The following ROBO2 variants were observed in gnomAD, a reference collection of about 807,000 sequenced individuals.
The protein encoded by ROBO2 is roundabout guidance receptor 2.
ROBO2 carries 53 observed loss-of-function variants against 160.8 expected under a neutral mutation model. That is an observed-to-expected ratio of 0.33 (90% CI 0.26 to 0.41). ROBO2 has a LOEUF of 0.41. ROBO2 is among the 10% of genes least tolerant of loss of function. The probability of loss-of-function intolerance (pLI) is 1.00; values close to 1 mark genes in which losing one functional copy is unlikely to be tolerated. For missense variants in ROBO2, 1,577 were observed against 1,722.4 expected (o/e 0.92, Z 1.49); for synonymous variants, 664 against 611.7 (o/e 1.09, Z -1.26).
At chr3:76,870,457 CAT>C (rs1024521646) in intron 2 of ROBO2, among the ~76,000 whole-genome samples, 14 of 152,250 alleles carry the variant, frequency 9.2e-5, no homozygotes, top group Admixed American at 6.5e-4. Context: ...TATTTAAAAA[CAT>C]GTGTTCAGAT....
At chr3:76,090,879 A>T (rs530716008) in intron 2 of ROBO2, among the ~76,000 whole-genome samples, 1 of 152,310 alleles carries the variant, frequency 6.6e-6, no homozygotes, top group South Asian at 2.1e-4. Context: ...TGGTGCGGGA[A>T]CAACTGTACA....
Position 76,746,299 on chromosome 3 carries a change from T to C in ROBO2, c.110-351715T>C, listed in dbSNP as rs574986015. Among the ~76,000 whole-genome samples the C allele has an allele frequency of 8.6e-5, 13 of 151,888 alleles. No individual in the cohort carries two copies. The East Asian group carries it at 2.5e-3, about 30-fold the overall frequency. ...AATAGTGCCGCAATAAACATACGTG[T>C]GCGTGTGTCTTTATAGCAGCATGAT... is the stretch of plus-strand genomic sequence containing the variant. On this transcript the variant is annotated intron_variant, in intron 2 of 26. Coordinates refer to the ROBO2 transcript ENST00000487694.
chr3:77,508,109 G>A (rs1234607511), intron 5 of ROBO2, among the ~76,000 whole-genome samples: 3 of 151,714 alleles, frequency 2.0e-5, no homozygotes, highest in Non-Finnish European at 4.4e-5. Context: ...GAAAGAAGAA[G>A]TACATGATTT....
At chr3:76,201,570 A>G (rs530069009) in intron 2 of ROBO2, among the ~76,000 whole-genome samples, 13 of 152,290 alleles carry the variant, frequency 8.5e-5, no homozygotes, top group South Asian at 2.1e-4. Context: ...AAATGACACT[A>G]TGTTAATTAA....
At chr3:77,360,253 C>A (rs970669344) in intron 2 of ROBO2, among the ~76,000 whole-genome samples, 8 of 63,728 alleles carry the variant, frequency 1.3e-4, no homozygotes, top group Non-Finnish European at 1.9e-4. Flanking sequence ...TGTAATGCAA[C>A]CCCCCCCCCA....
intron 2 of ROBO2, among the ~76,000 whole-genome samples, chr3:76,366,905 T>C (rs1222249412): frequency 6.6e-6 from 1 of 151,944 alleles, no homozygotes; most frequent in Non-Finnish European, 1.5e-5. Context: ...TTCCAAGCAA[T>C]AAAAATTATA....
intron 2 of ROBO2, among the ~76,000 whole-genome samples, chr3:76,585,634 T>G (rs1266900872): frequency 6.6e-6 from 1 of 152,122 alleles, no homozygotes; most frequent in East Asian, 1.9e-4. Flanking sequence ...TTCTCATACC[T>G]AACAAAATTA....
At chr3:76,415,434 T>C (rs1256656528) in intron 2 of ROBO2, among the ~76,000 whole-genome samples, 1 of 152,210 alleles carries the variant, frequency 6.6e-6, no homozygotes, top group East Asian at 1.9e-4. Context: ...CAGATTGATA[T>C]TGCATGGTGA....
At chr3:76,115,726 C>T (rs919697254) in intron 2 of ROBO2, among the ~76,000 whole-genome samples, 2 of 152,010 alleles carry the variant, frequency 1.3e-5, no homozygotes, top group East Asian at 1.9e-4. Context: ...GGAGCATTAG[C>T]CATAAGAAGC....
intron 2 of ROBO2, among the ~76,000 whole-genome samples, chr3:77,028,918 G>A (rs930234435): frequency 6.6e-6 from 1 of 152,008 alleles, no homozygotes; most frequent in African/African-American, 2.4e-5. Flanking sequence ...AATCCCTGTT[G>A]TTCACACTAA....
intron 2 of ROBO2, among the ~76,000 whole-genome samples, chr3:76,847,288 G>A (rs1434914774): frequency 1.3e-5 from 2 of 152,116 alleles, no homozygotes; most frequent in South Asian, 4.1e-4. Context: ...CCAGCTGTGA[G>A]GATGGGTTTA....
At chr3:77,176,937 G>A in intron 2 of ROBO2, among the ~76,000 whole-genome samples, 1 of 151,804 alleles carries the variant, frequency 6.6e-6, no homozygotes, top group East Asian at 1.9e-4. Flanking sequence ...TAAAAATGTT[G>A]AGTACTTATT....
chr3:76,163,904 T>C (rs1393912822), intron 2 of ROBO2, among the ~76,000 whole-genome samples: 1 of 152,162 alleles, frequency 6.6e-6, no homozygotes, highest in Admixed American at 6.5e-5. Flanking sequence ...TTTCTTAAAA[T>C]AGGATAACAA....
At chr3:75,930,208 G>T (rs1337020565) in intron 1 of ROBO2, among the ~76,000 whole-genome samples, 1 of 151,992 alleles carries the variant, frequency 6.6e-6, no homozygotes, top group Admixed American at 6.6e-5. Context: ...GTGCCACCAG[G>T]ATCTAGATGC....
Position 76,729,194 on chromosome 3 carries a change from G to A in ROBO2, c.110-368820G>A, listed in dbSNP as rs568664873. On this transcript the variant is annotated intron_variant, in intron 2 of 26. Coordinates refer to the ROBO2 transcript ENST00000487694. ...TTTCAGTTCCAGCTTAACAGATTGAGCTCTATAAATGAATTGTGACTGTAC... is the reference window on the plus strand; with the variant it reads ...TTTCAGTTCCAGCTTAACAGATTGAACTCTATAAATGAATTGTGACTGTAC... Among the ~76,000 whole-genome samples, 3 of 151,638 alleles carry A rather than the reference G, an allele frequency of 2.0e-5. No individual in the cohort carries two copies. In the South Asian group the frequency reaches 6.3e-4, roughly 32 times the overall value.
intron 2 of ROBO2, among the ~76,000 whole-genome samples, chr3:77,272,660 T>A (rs1172580157): frequency 6.6e-6 from 1 of 152,166 alleles, no homozygotes; most frequent in African/African-American, 2.4e-5. Context: ...AGGGTTCAAG[T>A]TAGTGTAAAA....
chr3:77,367,775 A>G (rs781147148), intron 2 of ROBO2, among the ~76,000 whole-genome samples: 6 of 152,150 alleles, frequency 3.9e-5, no homozygotes, highest in African/African-American at 7.2e-5. Flanking sequence ...GGATTCTGCT[A>G]TAATGTTAAC....
intron 2 of ROBO2, among the ~76,000 whole-genome samples, chr3:76,956,330 G>T (rs1231411635): frequency 6.6e-6 from 1 of 152,084 alleles, no homozygotes; most frequent in Non-Finnish European, 1.5e-5. Context: ...GGCCGAGGCG[G>T]GTGGATCACG....
At chr3:77,578,751 G>A (rs1261510183) in intron 15 of ROBO2, among the ~76,000 whole-genome samples, 1 of 152,000 alleles carries the variant, frequency 6.6e-6, no homozygotes, top group Non-Finnish European at 1.5e-5. Flanking sequence ...TTTTAACAGA[G>A]TAACAAATTA....
Sources: allele counts gnomAD v4.1 joint callset (sites outside exome capture counted in the v4.1 genomes callset), GRCh38; gene constraint gnomAD v4.1.1; transcripts MANE v1.5; gene names NCBI Gene and HGNC (gene_info 2026-07-23, HGNC 2026-07-21).